The following BMPER variants were observed in gnomAD, a reference collection of about 807,000 sequenced individuals.
BMPER encodes BMP binding endothelial regulator.
Under a neutral mutation model 87.3 loss-of-function variants are expected in BMPER, and 45 were observed. That is an observed-to-expected ratio of 0.52 (90% CI 0.41 to 0.66). The LOEUF (loss-of-function observed/expected upper bound fraction) is 0.66, where lower values mean the gene tolerates loss of function less well. Ranked by LOEUF, BMPER falls within the 30% of genes least tolerant of loss-of-function variation. BMPER has a pLI of 0.00. For missense variants in BMPER, 784 were observed against 867.5 expected, an observed-to-expected ratio of 0.90 and a Z score of 1.21; for synonymous variants, 326 against 316.2, an observed-to-expected ratio of 1.03 and a Z score of -0.33.
rs144708506 is a variant in BMPER at position 34,026,107 on chromosome 7, C to T, written c.577-20199C>T. On this transcript the variant is annotated intron_variant, in intron 6 of 14. Coordinates refer to ENST00000649409, the MANE Select transcript of BMPER (RefSeq NM_001365308.1). ...GCCTGGCATGGTAAAAAGGATAATTCGGGATCCAGTCCCTCTGGTGAGCTG... is the reference window on the plus strand; with the variant it reads ...GCCTGGCATGGTAAAAAGGATAATTTGGGATCCAGTCCCTCTGGTGAGCTG... 4.3e-3 allele frequency among the ~76,000 whole-genome samples: 657 copies of T among 152,022 alleles called. 7 individuals carry two copies. Among genetic ancestry groups the T allele is most frequent in the African/African-American group, 0.014 (598 of 41,484 alleles).
intron 6 of BMPER, among the ~76,000 whole-genome samples, chr7:34,015,641 G>A (rs1335474325): frequency 6.6e-6 from 1 of 151,956 alleles, no homozygotes; most frequent in Non-Finnish European, 1.5e-5. Flanking sequence ...TCCCTATGCA[G>A]TTGAGCACAT....
chr7:34,126,868 TA>T (rs375885911), intron 13 of BMPER, among the ~76,000 whole-genome samples: 2 of 152,248 alleles, frequency 1.3e-5, no homozygotes, highest in South Asian at 2.1e-4. Flanking sequence ...TTCTCTTTTT[TA>T]AAAAAAATGT....
intron 13 of BMPER, among the ~76,000 whole-genome samples, chr7:34,097,739 C>G (rs1357490325): frequency 6.6e-6 from 1 of 152,036 alleles, no homozygotes; most frequent in Non-Finnish European, 1.5e-5. Flanking sequence ...CATGTGGGTG[C>G]CCAGATTCCT....
chr7:34,076,484 C>G (rs992785245), intron 11 of BMPER, among the ~76,000 whole-genome samples: 4 of 151,804 alleles, frequency 2.6e-5, no homozygotes, highest in Middle Eastern at 3.2e-3. Flanking sequence ...ATAATTTTGT[C>G]CTTGATTTTT....
chr7:34,003,301 A>G (rs1356130249), intron 6 of BMPER, among the ~76,000 whole-genome samples: 2 of 151,944 alleles, frequency 1.3e-5, no homozygotes, highest in Non-Finnish European at 2.9e-5. Flanking sequence ...TCCTAATTTA[A>G]GATAATCCAG....
chr7:34,041,230 T>G (rs764699214), intron 6 of BMPER, among the ~76,000 whole-genome samples: 9 of 152,184 alleles, frequency 5.9e-5, no homozygotes, highest in Non-Finnish European at 1.3e-4. Flanking sequence ...AGAGGCTCAT[T>G]CTCTGCTGTA....
rs760427942 is a variant in BMPER, at chr7:34,046,324, G to A, written c.595G>A (p.Val199Met). Residue 199 changes from valine (V) to methionine (M), a missense_variant, in exon 7 of 15, where the codon GTG (valine) becomes ATG (methionine). Transcript: ENST00000649409. Reference sequence around the variant, plus strand: ...TTCTTAGGGAGGCAGGACACAATGTGTGAGAGAAGTCTGTCCCATTCTCTC... The same window carrying A: ...TTCTTAGGGAGGCAGGACACAATGTATGAGAGAAGTCTGTCCCATTCTCTC... Reference protein sequence around the residue: ...CSCTGGRTQCVREVCPILSCP... With the variant: ...CSCTGGRTQCMREVCPILSCP... 1.2e-6 allele frequency: 2 copies of A among 1,613,686 alleles called. No individual in the cohort carries two copies. Among genetic ancestry groups the A allele is most frequent in the African/African-American group, 2.7e-5 (2 of 74,856 alleles).
intron 6 of BMPER, among the ~76,000 whole-genome samples, chr7:34,027,792 T>G (rs1787396855): frequency 6.6e-6 from 1 of 152,070 alleles, no homozygotes; most frequent in African/African-American, 2.4e-5. Flanking sequence ...TTTTGAAAAA[T>G]TTTTATCTCT....
chr7:33,908,881 T>C (rs2128600851), intron 2 of BMPER, among the ~76,000 whole-genome samples: 1 of 152,288 alleles, frequency 6.6e-6, no homozygotes, highest in Middle Eastern at 3.4e-3. Context: ...ACGTTTGTAA[T>C]GACTTGGTAA....
At chr7:33,961,422 A>G (rs898112967) in intron 3 of BMPER, among the ~76,000 whole-genome samples, 3 of 152,236 alleles carry the variant, frequency 2.0e-5, no homozygotes, top group South Asian at 2.1e-4. Context: ...TGTGAATGAC[A>G]TGAGCAGGCC....
chr7:33,923,928 T>A (rs1363466508), intron 2 of BMPER, among the ~76,000 whole-genome samples: 2 of 152,222 alleles, frequency 1.3e-5, no homozygotes, highest in African/African-American at 4.8e-5. Context: ...TTTATACAGA[T>A]CCATTGCCTA....
At chr7:33,920,618 G>A (rs576055324) in intron 2 of BMPER, among the ~76,000 whole-genome samples, 45 of 151,914 alleles carry the variant, frequency 3.0e-4, no homozygotes, top group African/African-American at 1.7e-4. Flanking sequence ...TAGAGATGGG[G>A]TTCCACCATG....
chr7:33,905,611 A>C lies in BMPER; in HGVS notation c.-3A>C. On this transcript the variant is annotated 5_prime_UTR_variant, in exon 1 of 15. Coordinates refer to ENST00000649409, the MANE Select transcript of BMPER (RefSeq NM_001365308.1). ...AGTCGCCAGGGATTCCCTCCAGGTGACGATGCTCTGGTTCTCCGGCGTCGG... is the reference window on the plus strand; with the variant it reads ...AGTCGCCAGGGATTCCCTCCAGGTGCCGATGCTCTGGTTCTCCGGCGTCGG... 6.2e-7 allele frequency: 1 copy of C among 1,611,950 alleles called. No homozygotes were observed. Among genetic ancestry groups the C allele is most frequent in the Non-Finnish European group, 8.5e-7 (1 of 1,179,804 alleles).
rs78707077 is a variant in BMPER at position 34,092,501 on chromosome 7, T to C, written c.1745+6409T>C. Among the ~76,000 whole-genome samples the C allele has an allele frequency of 9.3e-4, 142 of 152,308 alleles. 1 individual carries two copies. The highest frequency in any genetic ancestry group is 3.2e-3 in the African/African-American group (132 of 41,572). ...AACAACTGGACCTCCAATGGGGTGA[T>C]TAGTCCTTTACCTTGGCGTCACTCA... On this transcript the variant is annotated intron_variant, in intron 13 of 14. Coordinates refer to ENST00000649409, the MANE Select transcript of BMPER (RefSeq NM_001365308.1).
intron 2 of BMPER, chr7:33,921,818 G>A (rs1218357318): frequency 2.1e-6 from 1 of 470,868 alleles, no homozygotes; most frequent in African/African-American, 2.0e-5. Context: ...CAAAACCCAG[G>A]GTTTTATGAC....
At chr7:33,927,186 G>A (rs1250135027) in intron 2 of BMPER, among the ~76,000 whole-genome samples, 1 of 152,234 alleles carries the variant, frequency 6.6e-6, no homozygotes, top group African/African-American at 2.4e-5. Flanking sequence ...GTCAAGATCA[G>A]GTATTTTTGT....
chr7:33,906,448 GT>G (rs985068929), intron 1 of BMPER, among the ~76,000 whole-genome samples: 1 of 151,842 alleles, frequency 6.6e-6, no homozygotes, highest in Admixed American at 6.6e-5. Context: ...CAATTTGAGG[GT>G]TTTTTTAAAT....
chr7:34,058,132 A>G lies in BMPER; in HGVS notation c.1001A>G (p.Lys334Arg). The change falls in exon 10 of 15, where the codon AAG (lysine) becomes AGG (arginine). Residue 334 changes from lysine (K) to arginine (R), a missense_variant. Lys to Arg is a conservative substitution (Grantham distance 26). Transcript: ENST00000649409. ...AAAGGCAGGACGGAGTGTCGCAATA[A>G]GCAGTGCATTCCCATCAGTAGCTGC... is the stretch of plus-strand genomic sequence containing the variant. ...CVKGRTECRNKQCIPISSCPQ... is the reference protein window; with the variant it reads ...CVKGRTECRNRQCIPISSCPQ... The G allele has an allele frequency of 6.2e-7, 1 of 1,614,152 alleles. No homozygotes were observed. The highest frequency in any genetic ancestry group is 8.5e-7 in the Non-Finnish European group (1 of 1,179,990).
At chr7:33,947,963 G>A (rs1189256374) in intron 3 of BMPER, among the ~76,000 whole-genome samples, 1 of 152,108 alleles carries the variant, frequency 6.6e-6, no homozygotes, top group East Asian at 1.9e-4. Context: ...GACACTTTCT[G>A]TGTTGACAGA....
Sources: gnomAD v4.1 joint callset for allele counts (sites outside exome capture counted in the v4.1 genomes callset) on GRCh38, gnomAD v4.1.1 for gene constraint, MANE v1.5 for transcripts, NCBI Gene and HGNC (gene_info 2026-07-23, HGNC 2026-07-21) for gene names.